SUGCT: variants seen among roughly 807,000 people sequenced by gnomAD.
The protein encoded by SUGCT is succinyl-CoA:glutarate-CoA transferase, also known as succinyl-CoA:glutarate CoA-transferase.
SUGCT carries 41 observed loss-of-function variants against 55.0 expected under a neutral mutation model. The ratio of observed to expected loss-of-function variants is 0.74; its 90% CI spans 0.58 to 0.97. The LOEUF (loss-of-function observed/expected upper bound fraction) is 0.97. Among genes scored for constraint, SUGCT ranks in the 50% least tolerant of loss-of-function variants. SUGCT has a pLI of 0.00. For missense variants in SUGCT, 568 were observed against 547.8 expected (o/e 1.04, Z -0.37); for synonymous variants, 187 against 200.4 (o/e 0.93, Z 0.56).
At position 40,428,984 on chromosome 7, in the gene SUGCT, C is replaced by T. The variant is rs1041311547; in HGVS notation, c.817-20303C>T. ...ATCTGGGACAGTTCTTATTTCTCCT[C>T]CTTTTTTTCTTTTTAAAATAAAAAT... On this transcript the variant is annotated intron_variant, in intron 9 of 13. Transcript: ENST00000335693. 3.3e-5 allele frequency among the ~76,000 whole-genome samples: 5 copies of T among 152,098 alleles called. 1 individual carries two copies. The highest frequency in any genetic ancestry group is 6.3e-3 in the Middle Eastern group (2 of 316).
intron 12 of SUGCT, among the ~76,000 whole-genome samples, chr7:40,526,942 A>T (rs974593332): frequency 3.9e-5 from 6 of 152,096 alleles, no homozygotes; most frequent in African/African-American, 1.4e-4. Context: ...TTGCTATTTG[A>T]TATATGGTGG....
intron 13 of SUGCT, among the ~76,000 whole-genome samples, chr7:40,792,034 AG>A (rs1297416901): frequency 6.6e-6 from 1 of 152,140 alleles, no homozygotes; most frequent in African/African-American, 2.4e-5. Flanking sequence ...TGATTTGTCA[AG>A]GGTTGGCCTA....
chr7:40,800,467 T>C (rs1376657001), intron 13 of SUGCT, among the ~76,000 whole-genome samples: 2 of 151,978 alleles, frequency 1.3e-5, no homozygotes, highest in Non-Finnish European at 2.9e-5. Flanking sequence ...TTTTTTTGTA[T>C]TTTTAGTAGA....
intron 9 of SUGCT, among the ~76,000 whole-genome samples, chr7:40,347,108 G>A (rs1448082633): frequency 1.3e-5 from 2 of 152,162 alleles, no homozygotes; most frequent in East Asian, 3.9e-4. Context: ...AAGAGTTTGA[G>A]GTGCATGACA....
At chr7:40,990,811 T>A in the SUGCT span, among the ~76,000 whole-genome samples, 1 of 152,232 alleles carries the variant, frequency 6.6e-6, no homozygotes, top group African/African-American at 2.4e-5. Flanking sequence ...AACTTCATTA[T>A]CCAACCTGTG....
At chr7:40,262,648 G>C (rs978349420) in intron 7 of SUGCT, among the ~76,000 whole-genome samples, 2 of 152,012 alleles carry the variant, frequency 1.3e-5, no homozygotes, top group Non-Finnish European at 2.9e-5. Flanking sequence ...CTGGGCGACA[G>C]AGCAAGACTC....
intron 9 of SUGCT, among the ~76,000 whole-genome samples, chr7:40,431,103 G>GT (rs1055981600): frequency 1.9e-4 from 26 of 138,116 alleles, no homozygotes; most frequent in African/African-American, 5.5e-4. Flanking sequence ...GGGCAACAGA[G>GT]TGAGACTTCG....
the SUGCT span, among the ~76,000 whole-genome samples, chr7:40,877,410 G>C: frequency 6.6e-6 from 1 of 152,244 alleles, no homozygotes; most frequent in African/African-American, 2.4e-5. Flanking sequence ...CAGTGTAAAC[G>C]TAATTTTGAC....
intron 12 of SUGCT, among the ~76,000 whole-genome samples, chr7:40,686,421 T>C (rs758460100): frequency 3.9e-5 from 6 of 152,206 alleles, no homozygotes; most frequent in Non-Finnish European, 7.3e-5. Flanking sequence ...AATCTATATA[T>C]ATAAAGAAGT....
At chr7:40,996,316 G>A in the SUGCT span, among the ~76,000 whole-genome samples, 2 of 152,106 alleles carry the variant, frequency 1.3e-5, no homozygotes, top group Non-Finnish European at 2.9e-5. Context: ...AAGGGACCCC[G>A]CCAGTCTGCA....
At chr7:40,143,370 G>C (rs1274225500) in intron 1 of SUGCT, among the ~76,000 whole-genome samples, 1 of 152,228 alleles carries the variant, frequency 6.6e-6, no homozygotes, top group Admixed American at 6.5e-5. Context: ...GAAAATGGAG[G>C]CTGGATGGCC....
At chr7:40,310,662 G>A (rs1330497945) in intron 8 of SUGCT, among the ~76,000 whole-genome samples, 1 of 152,150 alleles carries the variant, frequency 6.6e-6, no homozygotes, top group African/African-American at 2.4e-5. Flanking sequence ...GTTTATTTCA[G>A]ATAAAATTCA....
chr7:40,353,203 T>A (rs1797727550), intron 9 of SUGCT, among the ~76,000 whole-genome samples: 1 of 152,170 alleles, frequency 6.6e-6, no homozygotes, highest in African/African-American at 2.4e-5. Context: ...TGACTGGTAC[T>A]GCTAAGGTTT....
intron 12 of SUGCT, among the ~76,000 whole-genome samples, chr7:40,671,254 A>G (rs1437931709): frequency 6.6e-6 from 1 of 152,198 alleles, no homozygotes; most frequent in Non-Finnish European, 1.5e-5. Flanking sequence ...CCATATAATC[A>G]TGTCAGTCAA....
At chr7:40,849,629 T>C (rs1243565326) in intron 13 of SUGCT, among the ~76,000 whole-genome samples, 1 of 152,086 alleles carries the variant, frequency 6.6e-6, no homozygotes, top group Non-Finnish European at 1.5e-5. Context: ...ATAGCTAGAG[T>C]AGCTTGGGGT....
intron 9 of SUGCT, among the ~76,000 whole-genome samples, chr7:40,401,350 G>A (rs569922239): frequency 6.6e-6 from 1 of 152,220 alleles, no homozygotes; most frequent in African/African-American, 2.4e-5. Flanking sequence ...GGTCCAATAG[G>A]GCTATCTTGA....
Position 40,418,101 on chromosome 7 carries a change from AT to A in SUGCT, c.817-31184del, listed in dbSNP as rs1196495181. On this transcript the variant is annotated intron_variant, in intron 9 of 13. Transcript: ENST00000335693. ...ATCTTTTGATATTTAAACAGGATAA[AT>A]TCTTTTTTTGTTAGGTTTTTGAATA... is the stretch of plus-strand genomic sequence containing the variant. 5.3e-5 allele frequency among the ~76,000 whole-genome samples: 8 copies of A among 152,272 alleles called. No homozygotes were observed. In the East Asian group the frequency reaches 1.5e-3, roughly 29 times the overall value.
At chr7:40,362,237 G>C (rs536567862) in intron 9 of SUGCT, among the ~76,000 whole-genome samples, 2 of 152,106 alleles carry the variant, frequency 1.3e-5, no homozygotes, top group African/African-American at 2.4e-5. Context: ...TGACCAACAT[G>C]GCAAATCCCT....
chr7:40,945,533 A>G, the SUGCT span, among the ~76,000 whole-genome samples: 1 of 152,164 alleles, frequency 6.6e-6, no homozygotes, highest in Admixed American at 6.5e-5. Flanking sequence ...ATGGTGGGTG[A>G]GAGGAAGAAG....
Sources: allele counts gnomAD v4.1 joint callset (sites outside exome capture counted in the v4.1 genomes callset), GRCh38; gene constraint gnomAD v4.1.1; transcripts MANE v1.5; gene names NCBI Gene and HGNC (gene_info 2026-07-23, HGNC 2026-07-21).